NDUFS4: variants seen among roughly 807,000 people sequenced by gnomAD.
NDUFS4 encodes the protein NADH dehydrogenase [ubiquinone] iron-sulfur protein 4, mitochondrial.
In NDUFS4, 28 loss-of-function variants were observed where a neutral mutation model predicts 24.3. The observed-to-expected ratio is 1.15, with a 90% confidence interval of 0.85 to 1.58. The LOEUF (loss-of-function observed/expected upper bound fraction) is 1.58, where lower values mean the gene tolerates loss of function less well. NDUFS4 is among the 40% of genes most tolerant of loss of function. NDUFS4 has a pLI of 0.00. For synonymous variants in NDUFS4, 93 were observed against 69.7 expected (o/e 1.34, Z -1.67); for missense variants, 223 against 207.9 (o/e 1.07, Z -0.45).
intron 4 of NDUFS4, among the ~76,000 whole-genome samples, chr5:53,673,730 T>C (rs372414760): frequency 3.3e-5 from 5 of 152,322 alleles, no homozygotes; most frequent in African/African-American, 1.2e-4. Context: ...TCCAGTTTCA[T>C]TTATGTGTAT....
At chr5:53,657,794 G>A (rs960895596) in intron 3 of NDUFS4, among the ~76,000 whole-genome samples, 2 of 151,856 alleles carry the variant, frequency 1.3e-5, no homozygotes, top group Non-Finnish European at 2.9e-5. Flanking sequence ...GTATGGTGGT[G>A]CATACCTCTA....
At chr5:53,611,524 A>G (rs1408581383) in intron 2 of NDUFS4, among the ~76,000 whole-genome samples, 1 of 152,080 alleles carries the variant, frequency 6.6e-6, no homozygotes, top group Non-Finnish European at 1.5e-5. Flanking sequence ...GTAAATATCA[A>G]AAGAGTAGAT....
At chr5:53,572,625 T>C (rs1561334178) in intron 1 of NDUFS4, among the ~76,000 whole-genome samples, 1 of 151,992 alleles carries the variant, frequency 6.6e-6, no homozygotes, top group African/African-American at 2.4e-5. Flanking sequence ...CTGTGAAGAT[T>C]TTTTTCTGTA....
At chr5:53,569,688 C>T (rs1433210984) in intron 1 of NDUFS4, among the ~76,000 whole-genome samples, 1 of 152,164 alleles carries the variant, frequency 6.6e-6, no homozygotes, top group Non-Finnish European at 1.5e-5. Flanking sequence ...AAGTTTAACC[C>T]CGTATACACT....
At chr5:53,602,521 A>G (rs534033022) in intron 1 of NDUFS4, among the ~76,000 whole-genome samples, 1 of 152,192 alleles carries the variant, frequency 6.6e-6, no homozygotes, top group African/African-American at 2.4e-5. Flanking sequence ...CATTATCAAA[A>G]TTGAACTTTT....
At chr5:53,665,920 C>G (rs146575440) in intron 4 of NDUFS4, among the ~76,000 whole-genome samples, 9 of 152,178 alleles carry the variant, frequency 5.9e-5, no homozygotes, top group Non-Finnish European at 1.3e-4. Context: ...GCGTCGCTTA[C>G]GCTGGGAGCT....
At chr5:53,607,145 G>C (rs1314276667) in intron 2 of NDUFS4, among the ~76,000 whole-genome samples, 4 of 152,116 alleles carry the variant, frequency 2.6e-5, no homozygotes, top group Non-Finnish European at 5.9e-5. Flanking sequence ...AAATCAATTG[G>C]TTATTATCTT....
intron 2 of NDUFS4, among the ~76,000 whole-genome samples, chr5:53,626,434 T>A (rs572853286): frequency 6.6e-6 from 1 of 152,364 alleles, no homozygotes; most frequent in African/African-American, 2.4e-5. Flanking sequence ...TTTCTAGTTC[T>A]AGATCCTTGA....
chr5:53,620,917 A>C (rs112319056), intron 2 of NDUFS4, among the ~76,000 whole-genome samples: 61 of 152,308 alleles, frequency 4.0e-4, no homozygotes, highest in African/African-American at 1.2e-3. Flanking sequence ...TGCATTCTCC[A>C]GTTTTTGGGT....
intron 4 of NDUFS4, among the ~76,000 whole-genome samples, chr5:53,661,798 G>GTCTA (rs901410772): frequency 2.0e-5 from 3 of 151,670 alleles, no homozygotes; most frequent in African/African-American, 7.3e-5. Context: ...TGATTTGGCT[G>GTCTA]TCTGTTAGTG....
At chr5:53,582,808 A>G (rs766420948) in intron 1 of NDUFS4, among the ~76,000 whole-genome samples, 16 of 152,246 alleles carry the variant, frequency 1.1e-4, no homozygotes, top group African/African-American at 3.9e-4. Flanking sequence ...GATACTTCAT[A>G]TAATAGATAC....
chr5:53,680,152 CTGTT>C (rs1579950705), intron 4 of NDUFS4, among the ~76,000 whole-genome samples: 1 of 144,576 alleles, frequency 6.9e-6, no homozygotes, highest in Admixed American at 6.8e-5. Flanking sequence ...TGACCTTAGG[CTGTT>C]TATTTTCTCG....
At chr5:53,678,787 A>C (rs1192011397) in intron 4 of NDUFS4, among the ~76,000 whole-genome samples, 2 of 152,220 alleles carry the variant, frequency 1.3e-5, no homozygotes, top group Non-Finnish European at 2.9e-5. Context: ...AGGAAGTAGA[A>C]AAGATGAGTA....
At chr5:53,603,354 T>A in intron 1 of NDUFS4, 98 bp from the exon 2 acceptor site, 20 of 715,502 alleles carry the variant, frequency 2.8e-5, no homozygotes, top group Non-Finnish European at 4.4e-5. Flanking sequence ...TTTTTTTTAA[T>A]AAGACAGATA....
chr5:53,612,344 A>G (rs1293055929), intron 2 of NDUFS4, among the ~76,000 whole-genome samples: 3 of 152,186 alleles, frequency 2.0e-5, no homozygotes, highest in African/African-American at 7.2e-5. Flanking sequence ...AAGGTAGTAT[A>G]GTTAGTTAGA....
chr5:53,637,325 G>A (rs1297124143), intron 2 of NDUFS4, among the ~76,000 whole-genome samples: 1 of 152,116 alleles, frequency 6.6e-6, no homozygotes, highest in East Asian at 1.9e-4. Flanking sequence ...TTACCCCTAA[G>A]GGGCTTTTAT....
intron 1 of NDUFS4, among the ~76,000 whole-genome samples, chr5:53,575,041 TGTG>T (rs1561336077): frequency 6.6e-6 from 1 of 152,226 alleles, no homozygotes; most frequent in African/African-American, 2.4e-5. Flanking sequence ...TGCCACCGCA[TGTG>T]GCTATAGGAT....
intron 1 of NDUFS4, among the ~76,000 whole-genome samples, chr5:53,600,717 A>G (rs1750285612): frequency 6.6e-6 from 1 of 152,162 alleles, no homozygotes; most frequent in Non-Finnish European, 1.5e-5. Context: ...CTGATATTTG[A>G]GTCCTTTAAT....
intron 2 of NDUFS4, among the ~76,000 whole-genome samples, chr5:53,611,863 C>A (rs1750708441): frequency 6.6e-6 from 1 of 152,000 alleles, no homozygotes; most frequent in Admixed American, 6.6e-5. Context: ...ATATTCACTT[C>A]AGCTATACAA....
Sources: allele counts gnomAD v4.1 joint callset (sites outside exome capture counted in the v4.1 genomes callset), GRCh38; gene constraint gnomAD v4.1.1; transcripts MANE v1.5; gene names NCBI Gene and HGNC (gene_info 2026-07-23, HGNC 2026-07-21).